The following FCGRT variants were observed in gnomAD, a reference collection of about 807,000 sequenced individuals.
FCGRT encodes IgG receptor FcRn large subunit p51.
In FCGRT, 13 loss-of-function variants were observed where a neutral mutation model predicts 35.7. The ratio of observed to expected loss-of-function variants is 0.36; its 90% CI spans 0.24 to 0.58. The LOEUF (loss-of-function observed/expected upper bound fraction) is 0.58, where lower values mean the gene tolerates loss of function less well. Ranked by LOEUF, FCGRT falls within the 20% of genes least tolerant of loss-of-function variation. FCGRT has a pLI of 0.77. For missense variants in FCGRT, 455 were observed against 474.9 expected (o/e 0.96, Z 0.39); for synonymous variants, 233 against 216.5 (o/e 1.08, Z -0.67).
Position 49,525,766 on chromosome 19 carries a change from CAG to C in FCGRT, c.988+197_988+198del, listed in dbSNP as rs1187018972. Among the ~76,000 whole-genome samples, 3 of 148,576 alleles carry C rather than the reference CAG, an allele frequency of 2.0e-5. No individual in the cohort carries two copies. The Admixed American group carries it at 2.0e-4, about 10-fold the overall frequency. On this transcript the variant is annotated intron_variant, in intron 6 of 6. Transcript: ENST00000221466. ...AGACAGAGACCCAGAGACGGGGGAA[CAG>C]AGACCCAGAGGGGACAGAGAGAGGT...
At chr19:49,515,883 C>T (rs2080004641) in intron 4 of FCGRT, among the ~76,000 whole-genome samples, 2 of 152,278 alleles carry the variant, frequency 1.3e-5, no homozygotes, top group Admixed American at 6.5e-5. Flanking sequence ...CACCCTTCCC[C>T]CTCTCTGCAT....
At chr19:49,514,598 G>GC (rs915087029) in intron 4 of FCGRT, 112 bp downstream of exon 4, 41 of 1,055,126 alleles carry the variant, frequency 3.9e-5, no homozygotes, top group East Asian at 1.1e-4. Flanking sequence ...CCCACGCTCT[G>GC]CCCCCCCATT....
chr19:49,516,632 C>T (rs2080009420), intron 4 of FCGRT, among the ~76,000 whole-genome samples: 1 of 151,552 alleles, frequency 6.6e-6, no homozygotes, highest in Non-Finnish European at 1.5e-5. Flanking sequence ...TCTTGGCTCA[C>T]TGCAACCTCC....
At chr19:49,523,952 TGTTCA>T (rs1331000921) in intron 4 of FCGRT, among the ~76,000 whole-genome samples, 8 of 151,964 alleles carry the variant, frequency 5.3e-5, no homozygotes, top group Non-Finnish European at 7.4e-5. Flanking sequence ...ATCAGGAATG[TGTTCA>T]GTTCATCTAA....
chr19:49,516,647 C>T (rs1451397518), intron 4 of FCGRT, among the ~76,000 whole-genome samples: 1 of 151,596 alleles, frequency 6.6e-6, no homozygotes, highest in African/African-American at 2.4e-5. Flanking sequence ...ACCTCCGCCT[C>T]CCAGGTTCAA....
chr19:49,522,941 C>A (rs2080050962), intron 4 of FCGRT, among the ~76,000 whole-genome samples: 1 of 151,462 alleles, frequency 6.6e-6, no homozygotes, highest in African/African-American at 2.4e-5. Context: ...CCACGCCCGG[C>A]TAATTTTTTG....
chr19:49,518,010 G>C (rs1256899758), intron 4 of FCGRT, among the ~76,000 whole-genome samples: 3 of 152,108 alleles, frequency 2.0e-5, no homozygotes, highest in Non-Finnish European at 4.4e-5. Context: ...ATTTTTAGTA[G>C]AGACGGGATT....
intron 5 of FCGRT, 131 bp downstream of exon 5, chr19:49,524,907 C>A: frequency 1.1e-6 from 1 of 923,918 alleles, no homozygotes. Flanking sequence ...TTGAACCTCA[C>A]GCCTGTCAGT....
intron 4 of FCGRT, among the ~76,000 whole-genome samples, chr19:49,516,765 C>T (rs2080010212): frequency 6.6e-6 from 1 of 151,936 alleles, no homozygotes; most frequent in Admixed American, 6.6e-5. Context: ...ACCATGCTGG[C>T]CAGGCTGGTC....
intron 4 of FCGRT, among the ~76,000 whole-genome samples, chr19:49,522,151 A>G (rs2122690568): frequency 6.7e-6 from 1 of 150,264 alleles, no homozygotes; most frequent in Admixed American, 6.6e-5. Context: ...GTGTGATCAT[A>G]ACTCACTCCA....
intron 1 of FCGRT, chr19:49,513,169 C>T (rs907081583): frequency 2.9e-6 from 1 of 347,670 alleles, no homozygotes; most frequent in African/African-American, 2.1e-5. Context: ...AGCTCGGGGC[C>T]GGGACTCTCA....
intron 4 of FCGRT, among the ~76,000 whole-genome samples, chr19:49,516,680 C>T (rs988746864): frequency 2.0e-5 from 3 of 151,812 alleles, no homozygotes; most frequent in Non-Finnish European, 4.4e-5. Flanking sequence ...CCTCAGCCTC[C>T]CGAGTAGCTG....
chr19:49,517,229 G>C (rs965789540), intron 4 of FCGRT, among the ~76,000 whole-genome samples: 4 of 151,994 alleles, frequency 2.6e-5, no homozygotes, highest in Non-Finnish European at 5.9e-5. Flanking sequence ...AGTGGCTCAC[G>C]CCTGTAATTC....
chr19:49,518,814 C>T (rs935701943), intron 4 of FCGRT, among the ~76,000 whole-genome samples: 2 of 152,070 alleles, frequency 1.3e-5, no homozygotes, highest in African/African-American at 2.4e-5. Context: ...GGATTACAGG[C>T]GTGAGCCACC....
Position 49,524,570 on chromosome 19 carries a change from G to C in FCGRT, c.665G>C (p.Ser222Thr). 1 of 1,613,176 alleles carries C rather than the reference G, an allele frequency of 6.2e-7. No individual in the cohort carries two copies. Among genetic ancestry groups the C allele is most frequent in the Non-Finnish European group, 8.5e-7 (1 of 1,179,990 alleles). ...SSPGFSVLTC[S>T]AFSFYPPELQ... ...CCTGGCTTTTCCGTGCTTACCTGCA[G>C]CGCCTTCTCCTTCTACCCTCCGGAG... Residue 222 changes from serine (S) to threonine (T), a missense_variant, in exon 5 of 7, where the codon AGC (serine) becomes ACC (threonine). Coordinates refer to ENST00000221466, the MANE Select transcript of FCGRT (RefSeq NM_001136019.3).
chr19:49,519,351 TCTC>T (rs989896833), intron 4 of FCGRT, among the ~76,000 whole-genome samples: 9 of 152,154 alleles, frequency 5.9e-5, no homozygotes, highest in African/African-American at 2.2e-4. Context: ...AGCTAGATCT[TCTC>T]CTGTGTATTT....
chr19:49,524,421 A>G (rs2122697423), intron 4 of FCGRT, 86 bp from the exon 5 acceptor site: 10 of 1,426,808 alleles, frequency 7.0e-6, no homozygotes, highest in Non-Finnish European at 9.6e-6. Context: ...CAGTGCAAAC[A>G]TGGAGGCCTC....
chr19:49,525,724 CAG>C (rs956000788), intron 6 of FCGRT, 151 bp downstream of exon 6: 20 of 662,278 alleles, frequency 3.0e-5, no homozygotes, highest in Middle Eastern at 4.0e-4. Flanking sequence ...AACAGAGGTG[CAG>C]AGAGAGGGGG....
Position 49,514,588 on chromosome 19 carries a change from C to A in FCGRT, c.601+102C>A. The A allele has an allele frequency of 3.5e-6, 4 of 1,139,718 alleles. No individual in the cohort carries two copies. In the Middle Eastern group the frequency reaches 1.2e-3, roughly 349 times the overall value. 70.6% of individuals were successfully genotyped at this position (1,139,718 alleles called of 1,614,324 possible). On this transcript the variant is annotated intron_variant, in intron 4 of 6. Transcript: ENST00000221466. Reference sequence around the variant, plus strand: ...ACCCTCCATCAGCCTCCCACTGCAGCCCACGCTCTGCCCCCCCATTCCTCA... The same window carrying A: ...ACCCTCCATCAGCCTCCCACTGCAGACCACGCTCTGCCCCCCCATTCCTCA...
Sources: gnomAD v4.1 joint callset for allele counts (sites outside exome capture counted in the v4.1 genomes callset) on GRCh38, gnomAD v4.1.1 for gene constraint, MANE v1.5 for transcripts, NCBI Gene and HGNC (gene_info 2026-07-23, HGNC 2026-07-21) for gene names.